The following NRCAM variants were observed in gnomAD, a reference collection of about 807,000 sequenced individuals.
NRCAM encodes the protein neuronal cell adhesion molecule.
In NRCAM, 83 loss-of-function variants were observed where a neutral mutation model predicts 156.5. That is an observed-to-expected ratio of 0.53 (90% CI 0.44 to 0.64). The LOEUF (loss-of-function observed/expected upper bound fraction) is 0.64, where lower values mean the gene tolerates loss of function less well. NRCAM is among the 30% of genes least tolerant of loss of function. The probability of loss-of-function intolerance (pLI) is 0.00; values close to 1 mark genes in which losing one functional copy is unlikely to be tolerated. For missense variants in NRCAM, 1,417 were observed against 1,597.3 expected, an observed-to-expected ratio of 0.89 and a Z score of 1.92; for synonymous variants, 538 against 563.9, an observed-to-expected ratio of 0.95 and a Z score of 0.65.
intron 2 of NRCAM, among the ~76,000 whole-genome samples, chr7:108,376,781 C>T (rs1182141829): frequency 6.6e-6 from 1 of 152,166 alleles, no homozygotes; most frequent in Admixed American, 6.5e-5. Flanking sequence ...TCAGTCATTA[C>T]ATAAAAGCTA....
chr7:108,380,459 GTTTCTT>G (rs1386868594), intron 2 of NRCAM, among the ~76,000 whole-genome samples: 1 of 151,952 alleles, frequency 6.6e-6, no homozygotes, highest in Non-Finnish European at 1.5e-5. Context: ...GTTGTATTTG[GTTTCTT>G]TTTAAGTCTT....
chr7:108,425,372 A>G (rs1815813873), intron 1 of NRCAM, among the ~76,000 whole-genome samples: 1 of 152,186 alleles, frequency 6.6e-6, no homozygotes, highest in Non-Finnish European at 1.5e-5. Flanking sequence ...GCACAATACT[A>G]AATCCCAAAG....
chr7:108,413,758 T>C (rs939834879), intron 1 of NRCAM, among the ~76,000 whole-genome samples: 1 of 152,230 alleles, frequency 6.6e-6, no homozygotes, highest in African/African-American at 2.4e-5. Context: ...ATCCAGCCAA[T>C]AGAAATTCAT....
intron 26 of NRCAM, 114 bp downstream of exon 26, chr7:108,177,876 A>T: frequency 1.2e-6 from 1 of 852,674 alleles, no homozygotes; most frequent in Non-Finnish European, 1.7e-6. Flanking sequence ...TCTGATCACT[A>T]TATGTATCGA....
intron 1 of NRCAM, among the ~76,000 whole-genome samples, chr7:108,439,445 C>G (rs1396101829): frequency 1.3e-5 from 2 of 152,042 alleles, no homozygotes; most frequent in African/African-American, 2.4e-5. Context: ...AGACATTTCA[C>G]CAAAGAAGAT....
In NRCAM at chr7:108,194,332, T is replaced by G; in HGVS notation, c.1560A>C (p.Thr520=). 4 of 1,613,802 alleles carry G rather than the reference T, an allele frequency of 2.5e-6. No homozygotes were observed. The South Asian group carries it at 4.4e-5, about 18-fold the overall frequency. ...LEIPVAQKDS[T]GTYTCVARNK... The stretch of plus-strand genomic sequence containing the variant: ...TCCTTGCAACACACGTATAAGTTCC[T>G]GTACTGTCCTTTTGGGCCACAGGAA... The change falls in exon 16 of 33, where the codon ACA becomes ACC. Residue 520 remains threonine (T), a synonymous_variant. Coordinates refer to ENST00000379028, the MANE Select transcript of NRCAM (RefSeq NM_001037132.4).
intron 26 of NRCAM, chr7:108,176,828 G>T: frequency 2.6e-6 from 1 of 381,360 alleles, no homozygotes; most frequent in Non-Finnish European, 4.7e-6. Context: ...ATCACAAGGG[G>T]GTAGTATGTT....
At chr7:108,267,936 A>G (rs1455039683) in intron 3 of NRCAM, among the ~76,000 whole-genome samples, 1 of 152,240 alleles carries the variant, frequency 6.6e-6, no homozygotes, top group Non-Finnish European at 1.5e-5. Flanking sequence ...CTGGAAATCT[A>G]TACAGATAAT....
chr7:108,385,207 T>TTA (rs1425050917), intron 2 of NRCAM, among the ~76,000 whole-genome samples: 2 of 152,180 alleles, frequency 1.3e-5, no homozygotes, highest in Non-Finnish European at 2.9e-5. Flanking sequence ...AATGTACACA[T>TTA]TAGGATGATT....
intron 2 of NRCAM, among the ~76,000 whole-genome samples, chr7:108,318,430 T>C (rs748158858): frequency 7.2e-5 from 11 of 152,124 alleles, no homozygotes; most frequent in Non-Finnish European, 1.6e-4. Flanking sequence ...GGTGAAATAA[T>C]GTCTCTAGGA....
At chr7:108,414,588 A>G (rs1799207383) in intron 1 of NRCAM, among the ~76,000 whole-genome samples, 1 of 152,252 alleles carries the variant, frequency 6.6e-6, no homozygotes, top group African/African-American at 2.4e-5. Flanking sequence ...TGTAACAATA[A>G]GTGAAAAAGA....
chr7:108,440,490 C>T (rs188647058), intron 1 of NRCAM, among the ~76,000 whole-genome samples: 8 of 152,226 alleles, frequency 5.3e-5, no homozygotes, highest in African/African-American at 1.9e-4. Context: ...AATTAATTTA[C>T]AGTAATCACT....
chr7:108,422,903 T>C (rs977519158), intron 1 of NRCAM, among the ~76,000 whole-genome samples: 4 of 152,040 alleles, frequency 2.6e-5, no homozygotes, highest in African/African-American at 9.7e-5. Context: ...CTGGCTGCAG[T>C]AGGGTGGTCC....
rs539273818 is a variant in NRCAM at position 108,205,835 on chromosome 7, C to T, written c.1207+1693G>A. ...AACTCCTGTACTCAAGAAATCCGCCCGCCATAGCCTCTGAAAGTGCTGGGA... is the reference window on the plus strand; with the variant it reads ...AACTCCTGTACTCAAGAAATCCGCCTGCCATAGCCTCTGAAAGTGCTGGGA... On this transcript the variant is annotated intron_variant, in intron 13 of 32. Coordinates refer to ENST00000379028, the MANE Select transcript of NRCAM (RefSeq NM_001037132.4). 6.6e-5 allele frequency among the ~76,000 whole-genome samples: 10 copies of T among 152,230 alleles called. No homozygotes were observed. The East Asian group carries it at 1.5e-3, about 24-fold the overall frequency.
chr7:108,199,979 CA>C (rs2077107216), intron 13 of NRCAM, among the ~76,000 whole-genome samples: 1 of 152,168 alleles, frequency 6.6e-6, no homozygotes, highest in Admixed American at 6.5e-5. Context: ...AAGTTTTTAG[CA>C]TCCAAGGATT....
At chr7:108,378,632 AAC>A (rs3077977) in intron 2 of NRCAM, among the ~76,000 whole-genome samples, 16,206 of 114,956 alleles carry the variant, frequency 0.14, 1,431 homozygotes, top group Non-Finnish European at 0.19. Context: ...AGCAGGATTC[AAC>A]ACACACACAC....
intron 2 of NRCAM, among the ~76,000 whole-genome samples, chr7:108,337,881 G>A (rs1428188002): frequency 6.6e-6 from 1 of 152,180 alleles, no homozygotes; most frequent in Non-Finnish European, 1.5e-5. Context: ...GGTAATATTG[G>A]ACCACTTTCA....
At chr7:108,383,166 T>TG (rs1396216047) in intron 2 of NRCAM, among the ~76,000 whole-genome samples, 1 of 118,942 alleles carries the variant, frequency 8.4e-6, no homozygotes, top group African/African-American at 3.1e-5. Context: ...CCCTTGGTGT[T>TG]GCCTAGGCAA....
intron 2 of NRCAM, among the ~76,000 whole-genome samples, chr7:108,353,279 T>TG (rs2099437003): frequency 6.6e-6 from 1 of 152,160 alleles, no homozygotes; most frequent in African/African-American, 2.4e-5. Context: ...TTTAGAATCC[T>TG]AAATCCTGTC....
Sources: gnomAD v4.1 joint callset for allele counts (sites outside exome capture counted in the v4.1 genomes callset) on GRCh38, gnomAD v4.1.1 for gene constraint, MANE v1.5 for transcripts, NCBI Gene and HGNC (gene_info 2026-07-23, HGNC 2026-07-21) for gene names.